The following GPR137B variants were observed in gnomAD, a reference collection of about 807,000 sequenced individuals.
GPR137B encodes the protein G protein-coupled receptor 137B, also known as integral membrane protein GPR137B.
In GPR137B, 42 loss-of-function variants were observed where a neutral mutation model predicts 42.5. The ratio of observed to expected loss-of-function variants is 0.99; its 90% CI spans 0.77 to 1.28. GPR137B has a LOEUF of 1.28. Ranked by LOEUF, GPR137B falls within the 50% of genes most tolerant of loss-of-function variation. The probability of loss-of-function intolerance (pLI) is 0.00; values close to 1 mark genes in which losing one functional copy is unlikely to be tolerated. For missense variants in GPR137B, 487 were observed against 493.9 expected (o/e 0.99, Z 0.13); for synonymous variants, 218 against 209.7 (o/e 1.04, Z -0.34).
intron 1 of GPR137B, among the ~76,000 whole-genome samples, chr1:236,164,607 A>G (rs911662354): frequency 2.0e-5 from 3 of 152,220 alleles, no homozygotes; most frequent in Non-Finnish European, 4.4e-5. Flanking sequence ...CTCTCAGAAC[A>G]CAGAGGGGAG....
chr1:236,145,908 C>A (rs1252681579), intron 1 of GPR137B, among the ~76,000 whole-genome samples: 1 of 152,074 alleles, frequency 6.6e-6, no homozygotes, highest in Non-Finnish European at 1.5e-5. Context: ...GAGATAGAGC[C>A]TTGCTTTGTG....
chr1:236,187,943 T>G (rs545488675), intron 5 of GPR137B, among the ~76,000 whole-genome samples: 1 of 152,334 alleles, frequency 6.6e-6, no homozygotes, highest in East Asian at 1.9e-4. Context: ...TTCACAATAT[T>G]GATTCTTCCT....
Position 236,156,580 on chromosome 1 carries a change from CTG to C in GPR137B, c.415-12125_415-12124del, listed in dbSNP as rs1336245256. On this transcript the variant is annotated intron_variant, in intron 1 of 6. Coordinates refer to ENST00000366592, the MANE Select transcript of GPR137B (RefSeq NM_003272.4). This position sits in a 1 kb window ranked among gnomAD's most constrained non-coding sequence, Gnocchi z 4.8. ...GCCCTTGCTCGCACTGTCTTGGAGACTGAGCCTCAAATGCAGATCCCCTCCCC... is the reference window on the plus strand; with the variant it reads ...GCCCTTGCTCGCACTGTCTTGGAGACAGCCTCAAATGCAGATCCCCTCCCC... Among the ~76,000 whole-genome samples the C allele has an allele frequency of 6.6e-6, 1 of 152,220 alleles. No homozygotes were observed. The highest frequency in any genetic ancestry group is 1.5e-5 in the Non-Finnish European group (1 of 68,054).
At chr1:236,178,955 G>A (rs1294831958) in intron 3 of GPR137B, among the ~76,000 whole-genome samples, 1 of 150,942 alleles carries the variant, frequency 6.6e-6, no homozygotes, top group East Asian at 1.9e-4. Context: ...CCACCACTAC[G>A]CCTGGCTAAT....
At position 236,208,131 on chromosome 1, in the gene GPR137B, G is replaced by A; in HGVS notation, c.1173G>A (p.Leu391=). ...AQAGTLQDST[L]DPDKPSLG Reference sequence around the variant, plus strand: ...CAGGAACTTTGCAAGACTCAACTTTGGATCCTGACAAACCAAGCCTTGGGT... The same window carrying A: ...CAGGAACTTTGCAAGACTCAACTTTAGATCCTGACAAACCAAGCCTTGGGT... Residue 391 remains leucine (L), a synonymous_variant, in exon 7 of 7, where the codon TTG becomes TTA. Coordinates refer to ENST00000366592, the MANE Select transcript of GPR137B (RefSeq NM_003272.4). 6.2e-7 allele frequency: 1 copy of A among 1,613,602 alleles called. No homozygotes were observed. The highest frequency in any genetic ancestry group is 8.5e-7 in the Non-Finnish European group (1 of 1,179,610).
At position 236,145,244 on chromosome 1, in the gene GPR137B, TCTC is replaced by T. The variant is rs1334148758; in HGVS notation, c.414+2215_414+2217del. Among the ~76,000 whole-genome samples the T allele has an allele frequency of 1.2e-4, 19 of 152,162 alleles. No individual in the cohort carries two copies. The South Asian group carries it at 2.5e-3, about 20-fold the overall frequency. Reference sequence around the variant, plus strand: ...GTCGCCAACCCAGCTCTGCCTCCCTTCTCCTCCTCTCCCGCTCACCCCCTCTTT... The same window carrying T: ...GTCGCCAACCCAGCTCTGCCTCCCTTCTCCTCTCCCGCTCACCCCCTCTTT... On this transcript the variant is annotated intron_variant, in intron 1 of 6. Coordinates refer to ENST00000366592, the MANE Select transcript of GPR137B (RefSeq NM_003272.4).
intron 2 of GPR137B, among the ~76,000 whole-genome samples, chr1:236,169,905 T>G (rs1290934600): frequency 2.0e-5 from 3 of 151,430 alleles, no homozygotes; most frequent in African/African-American, 7.3e-5. Context: ...CCGGGCGAGG[T>G]AGCGCACATC....
rs34520510 is a variant in GPR137B at position 236,190,148 on chromosome 1, CT to C, written c.966+6261del. Among the ~76,000 whole-genome samples the C allele has an allele frequency of 2.3e-3, 271 of 119,418 alleles. 1 individual carries two copies. Among genetic ancestry groups the C allele is most frequent in the African/African-American group, 5.0e-3 (157 of 31,474 alleles). The allele number at this position is 119,418 out of a possible 152,430, so 78.3% of individuals were successfully genotyped here. A position where few individuals can be genotyped will look rare whatever the true frequency, so the allele number is the denominator to read the frequency against. ...ATTAGGACTGCAACTCCTGCTTCTT[CT>C]TTTTTTTTTTTTTTTTTTGCTTTCC... is the stretch of plus-strand genomic sequence containing the variant. On this transcript the variant is annotated intron_variant, in intron 5 of 6. Coordinates refer to ENST00000366592, the MANE Select transcript of GPR137B (RefSeq NM_003272.4).
chr1:236,166,378 T>A (rs998033448), intron 1 of GPR137B, among the ~76,000 whole-genome samples: 1 of 151,046 alleles, frequency 6.6e-6, no homozygotes. Flanking sequence ...TCAGATAAAG[T>A]GGAACCAGGA....
intron 2 of GPR137B, among the ~76,000 whole-genome samples, chr1:236,170,702 A>G (rs1046025307): frequency 2.0e-5 from 3 of 152,154 alleles, no homozygotes; most frequent in Non-Finnish European, 4.4e-5. Flanking sequence ...CAGGCCGGGC[A>G]CGGTGGCTCA....
In GPR137B at chr1:236,171,438, T is replaced by G. The variant is rs1662535100; in HGVS notation, c.464+2683T>G. On this transcript the variant is annotated intron_variant, in intron 2 of 6. Coordinates refer to ENST00000366592, the MANE Select transcript of GPR137B (RefSeq NM_003272.4). The surrounding 1 kb of genome is among the most constrained non-coding windows in gnomAD (Gnocchi z 4.4). Reference sequence around the variant, plus strand: ...GGGCATAGGAGGAGAACATTCTGTCTGATCGGACCGTGGAACTGATTTTAT... The same window carrying G: ...GGGCATAGGAGGAGAACATTCTGTCGGATCGGACCGTGGAACTGATTTTAT... Among the ~76,000 whole-genome samples the G allele has an allele frequency of 6.6e-6, 1 of 152,230 alleles. No individual in the cohort carries two copies. Among genetic ancestry groups the G allele is most frequent in the South Asian group, 2.1e-4 (1 of 4,832 alleles).
At chr1:236,159,906 C>T (rs1662138905) in intron 1 of GPR137B, among the ~76,000 whole-genome samples, 1 of 152,214 alleles carries the variant, frequency 6.6e-6, no homozygotes, top group African/African-American at 2.4e-5. Context: ...TGCGGAAAGC[C>T]CATGAGGGCT....
chr1:236,167,616 CCTCT>C, intron 1 of GPR137B, among the ~76,000 whole-genome samples: 1 of 152,248 alleles, frequency 6.6e-6, no homozygotes, highest in Non-Finnish European at 1.5e-5. Context: ...GAAAAGCTGT[CCTCT>C]CTCCTCCAGT....
chr1:236,189,026 A>G (rs779570681), intron 5 of GPR137B, among the ~76,000 whole-genome samples: 7 of 152,130 alleles, frequency 4.6e-5, no homozygotes, highest in Admixed American at 6.5e-5. Flanking sequence ...CAGGGATTCT[A>G]CTTCTCCTGG....
At chr1:236,199,351 T>A (rs750439987) in intron 5 of GPR137B, among the ~76,000 whole-genome samples, 4 of 152,090 alleles carry the variant, frequency 2.6e-5, no homozygotes, top group African/African-American at 9.7e-5. Flanking sequence ...GGGATAAACA[T>A]AGTTTTGCTA....
intron 4 of GPR137B, among the ~76,000 whole-genome samples, chr1:236,183,321 A>G (rs1662934807): frequency 6.6e-6 from 1 of 152,240 alleles, no homozygotes; most frequent in African/African-American, 2.4e-5. Flanking sequence ...TAATAGTTGT[A>G]TGCTGCTCCC....
At chr1:236,197,402 G>A (rs537490357) in intron 5 of GPR137B, among the ~76,000 whole-genome samples, 2 of 152,078 alleles carry the variant, frequency 1.3e-5, no homozygotes, top group African/African-American at 2.4e-5. Context: ...TAGGTCCCAT[G>A]TATTTATCTT....
intron 1 of GPR137B, among the ~76,000 whole-genome samples, chr1:236,161,538 C>T (rs1662197301): frequency 9.3e-6 from 1 of 107,784 alleles, no homozygotes; most frequent in Admixed American, 9.8e-5. Context: ...CACATCTCCA[C>T]ACGCTTTTCA....
rs562504942 is a variant in GPR137B at position 236,181,893 on chromosome 1, ATTT to A, written c.838-1869_838-1867del. Among the ~76,000 whole-genome samples, 227 of 121,510 alleles carry A rather than the reference ATTT, an allele frequency of 1.9e-3. 1 individual carries two copies. Among genetic ancestry groups the A allele is most frequent in the African/African-American group, 7.0e-3 (201 of 28,686 alleles). The allele number at this position is 121,510 out of a possible 152,430, so 79.7% of individuals were successfully genotyped here. On this transcript the variant is annotated intron_variant, in intron 4 of 6. Coordinates refer to ENST00000366592, the MANE Select transcript of GPR137B (RefSeq NM_003272.4). ...TAGTAAAATACACATAATATTTGCT[ATTT>A]TTTTTTTTTTTTTTTGAGACGGAGT... is the stretch of plus-strand genomic sequence containing the variant.
Sources: gnomAD v4.1 joint callset for allele counts (sites outside exome capture counted in the v4.1 genomes callset) on GRCh38, gnomAD v4.1.1 for gene constraint, Gnocchi (gnomAD v3.1) non-coding constraint, MANE v1.5 for transcripts, NCBI Gene and HGNC (gene_info 2026-07-23, HGNC 2026-07-21) for gene names.